TYW1B: variants seen among roughly 807,000 people sequenced by gnomAD.
TYW1B encodes S-adenosyl-L-methionine-dependent tRNA 4-demethylwyosine synthase TYW1B.
A neutral mutation model predicts 86.9 loss-of-function variants in TYW1B; 73 were observed. The ratio of observed to expected loss-of-function variants is 0.84; its 90% confidence interval spans 0.70 to 1.02. The LOEUF (loss-of-function observed/expected upper bound fraction) is 1.02, where lower values mean the gene tolerates loss of function less well. Ranked by LOEUF, TYW1B falls within the 50% of genes least tolerant of loss-of-function variation. The pLI is 0.00. For synonymous variants in TYW1B, 248 were observed against 292.8 expected (o/e 0.85, Z 1.56); for missense variants, 637 against 827.4 (o/e 0.77, Z 2.82).
At chr7:72,752,759 A>ACAAACAAT (rs148261274) in intron 7 of TYW1B, among the ~76,000 whole-genome samples, 1 of 151,786 alleles carries the variant, frequency 6.6e-6, no homozygotes, top group Non-Finnish European at 1.5e-5. Flanking sequence ...AAACAAACAA[A>ACAAACAAT]AAAACCTCAT....
At chr7:72,676,983 A>C (rs183119281) in intron 11 of TYW1B, among the ~76,000 whole-genome samples, 6 of 152,114 alleles carry the variant, frequency 3.9e-5, no homozygotes, top group Admixed American at 3.3e-4. Flanking sequence ...CAAACCAAAA[A>C]ACTGTTTTAA....
chr7:72,749,340 C>T (rs1488463578), intron 7 of TYW1B, among the ~76,000 whole-genome samples: 1 of 152,142 alleles, frequency 6.6e-6, no homozygotes, highest in African/African-American at 2.4e-5. Context: ...GTCACCCAGG[C>T]TGGAGTGCAG....
chr7:72,592,574 T>C (rs1554431710), intron 13 of TYW1B, among the ~76,000 whole-genome samples: 1 of 152,188 alleles, frequency 6.6e-6, no homozygotes, highest in Non-Finnish European at 1.5e-5. Context: ...GCCTATTAAT[T>C]AAACCCTCCC....
intron 11 of TYW1B, among the ~76,000 whole-genome samples, chr7:72,694,299 G>T (rs1433136819): frequency 6.6e-6 from 1 of 152,138 alleles, no homozygotes; most frequent in Non-Finnish European, 1.5e-5. Context: ...AGCATCTGTG[G>T]ATTTTGGTAC....
chr7:72,713,366 C>T (rs1344112115), intron 10 of TYW1B, among the ~76,000 whole-genome samples: 3 of 151,472 alleles, frequency 2.0e-5, no homozygotes, highest in Non-Finnish European at 4.4e-5. Context: ...CCTGCCTCTC[C>T]CATTTGGAAA....
intron 11 of TYW1B, among the ~76,000 whole-genome samples, chr7:72,674,759 CTTT>C (rs10712486): frequency 1.5e-5 from 2 of 134,138 alleles, no homozygotes; most frequent in South Asian, 2.4e-4. Flanking sequence ...CCTTTTCTCT[CTTT>C]TTTTTTTTTT....
intron 7 of TYW1B, among the ~76,000 whole-genome samples, chr7:72,760,405 C>A (rs1186996933): frequency 6.6e-6 from 1 of 152,080 alleles, no homozygotes; most frequent in Non-Finnish European, 1.5e-5. Flanking sequence ...TCCAGTTTTG[C>A]CAGAAATATA....
chr7:72,752,074 G>C (rs1328849863), intron 7 of TYW1B, among the ~76,000 whole-genome samples: 1 of 152,194 alleles, frequency 6.6e-6, no homozygotes, highest in Non-Finnish European at 1.5e-5. Flanking sequence ...GGAAGTCTCA[G>C]ACCCACAAGG....
At chr7:72,786,433 C>T (rs1788130295) in intron 6 of TYW1B, among the ~76,000 whole-genome samples, 2 of 152,044 alleles carry the variant, frequency 1.3e-5, no homozygotes, top group African/African-American at 4.8e-5. Context: ...AAATAATGTA[C>T]ATGGATGTCT....
chr7:72,687,880 A>C (rs3110842), intron 11 of TYW1B, among the ~76,000 whole-genome samples: 121,286 of 151,714 alleles, frequency 0.8, 48,925 homozygotes, highest in Middle Eastern at 0.87. Context: ...ACAAACAAGA[A>C]CCCATCTCTC....
intron 7 of TYW1B, among the ~76,000 whole-genome samples, chr7:72,774,039 G>A (rs1554470102): frequency 1.4e-5 from 2 of 143,516 alleles, no homozygotes; most frequent in East Asian, 2.0e-4. Context: ...CCCAGACTGG[G>A]CAACAAGAGT....
At chr7:72,692,894 G>A (rs1379479786) in intron 11 of TYW1B, among the ~76,000 whole-genome samples, 2 of 152,120 alleles carry the variant, frequency 1.3e-5, no homozygotes, top group South Asian at 4.1e-4. Flanking sequence ...CCCTCCTGGG[G>A]AATAAGGTGA....
intron 11 of TYW1B, among the ~76,000 whole-genome samples, chr7:72,670,238 C>A (rs1456765392): frequency 6.6e-6 from 1 of 152,212 alleles, no homozygotes; most frequent in Non-Finnish European, 1.5e-5. Context: ...GTTGCCCAGG[C>A]TGGAATGCAA....
chr7:72,576,404 A>G (rs1358324845), intron 13 of TYW1B, among the ~76,000 whole-genome samples: 1 of 152,238 alleles, frequency 6.6e-6, no homozygotes, highest in African/African-American at 2.4e-5. Context: ...TGAACTGTGA[A>G]GGCTTTTAAT....
At chr7:72,728,243 T>C (rs1332310279) in intron 9 of TYW1B, among the ~76,000 whole-genome samples, 2 of 152,238 alleles carry the variant, frequency 1.3e-5, no homozygotes, top group Admixed American at 6.5e-5. Context: ...GGAAGATTGA[T>C]GGTACATTCC....
intron 7 of TYW1B, among the ~76,000 whole-genome samples, chr7:72,753,357 A>C (rs1787532497): frequency 6.6e-6 from 1 of 152,238 alleles, no homozygotes; most frequent in Non-Finnish European, 1.5e-5. Context: ...AAGAAAGCAT[A>C]ACTGAACAAA....
chr7:72,638,040 T>C (rs1812714325), intron 11 of TYW1B, among the ~76,000 whole-genome samples: 1 of 151,684 alleles, frequency 6.6e-6, no homozygotes, highest in Non-Finnish European at 1.5e-5. Context: ...TGTTTTCCTG[T>C]ATTGCCCCAA....
intron 11 of TYW1B, among the ~76,000 whole-genome samples, chr7:72,634,130 G>A (rs1385787967): frequency 2.6e-5 from 4 of 151,834 alleles, no homozygotes; most frequent in African/African-American, 7.3e-5. Flanking sequence ...AGAAAATGCT[G>A]CTGCCATGAG....
intron 5 of TYW1B, among the ~76,000 whole-genome samples, chr7:72,804,142 G>A (rs1163972398): frequency 4.6e-5 from 7 of 151,314 alleles, no homozygotes; most frequent in Non-Finnish European, 7.4e-5. Flanking sequence ...AAAATTAACC[G>A]GGCGTGGTGG....
Sources: gnomAD v4.1 joint callset for allele counts (sites outside exome capture counted in the v4.1 genomes callset) on GRCh38, gnomAD v4.1.1 for gene constraint, MANE v1.5 for transcripts, NCBI Gene and HGNC (gene_info 2026-07-23, HGNC 2026-07-21) for gene names.